The following CALN1 variants were observed in gnomAD, a reference collection of about 807,000 sequenced individuals.
The protein encoded by CALN1 is calneuron 1.
Under a neutral mutation model 30.6 loss-of-function variants are expected in CALN1, and 17 were observed. That is an observed-to-expected ratio of 0.56 (90% confidence interval 0.38 to 0.83). The LOEUF (loss-of-function observed/expected upper bound fraction) is 0.83, where lower values mean the gene tolerates loss of function less well. Ranked by LOEUF, CALN1 falls within the 40% of genes least tolerant of loss-of-function variation. The pLI is 0.00. For synonymous variants in CALN1, 156 were observed against 131.4 expected (o/e 1.19, Z -1.28); for missense variants, 291 against 354.9 (o/e 0.82, Z 1.45).
At chr7:72,324,049 T>A (rs973483468) in intron 2 of CALN1, among the ~76,000 whole-genome samples, 2 of 152,058 alleles carry the variant, frequency 1.3e-5, no homozygotes, top group African/African-American at 4.8e-5. Context: ...TTTGTTTTTT[T>A]AAATGCAGTT....
chr7:72,370,434 C>T (rs1228421458), intron 2 of CALN1, among the ~76,000 whole-genome samples: 1 of 151,828 alleles, frequency 6.6e-6, no homozygotes, highest in Non-Finnish European at 1.5e-5. Flanking sequence ...GCAGGCGGAT[C>T]ACGAGGTCAG....
intron 2 of CALN1, among the ~76,000 whole-genome samples, chr7:72,375,677 TTGC>T (rs1485641072): frequency 6.6e-6 from 1 of 152,170 alleles, no homozygotes; most frequent in African/African-American, 2.4e-5. Context: ...AGACAGTGTC[TTGC>T]TATATTGCCC....
At chr7:72,492,009 A>G in the CALN1 span, among the ~76,000 whole-genome samples, 1 of 152,174 alleles carries the variant, frequency 6.6e-6, no homozygotes, top group African/African-American at 2.4e-5. Flanking sequence ...CCAACTCTCA[A>G]AGGCAGTTTC....
intron 1 of CALN1, among the ~76,000 whole-genome samples, chr7:72,410,888 T>TA (rs1193608978): frequency 6.6e-6 from 1 of 152,152 alleles, no homozygotes; most frequent in Non-Finnish European, 1.5e-5. Context: ...CTGCTACTAT[T>TA]AACACTGTAT....
intron 5 of CALN1, 98 bp from the exon 6 acceptor site, chr7:71,810,590 C>T: frequency 4.1e-6 from 5 of 1,228,780 alleles, no homozygotes; most frequent in East Asian, 2.4e-5. Context: ...TCTGCAGAAA[C>T]TTGTCTCAGC....
At chr7:71,949,386 T>G (rs532699079) in intron 5 of CALN1, among the ~76,000 whole-genome samples, 3 of 152,212 alleles carry the variant, frequency 2.0e-5, no homozygotes, top group East Asian at 3.9e-4. Flanking sequence ...CGAGAGGGTT[T>G]TTTGTTTGTT....
rs58282615 is a variant in CALN1, at chr7:72,246,753, A to ATTTTTTTTTT, written c.244+31923_244+31932dup. On this transcript the variant is annotated intron_variant, in intron 3 of 6. Coordinates refer to ENST00000395275, the MANE Select transcript of CALN1 (RefSeq NM_031468.4). The stretch of plus-strand genomic sequence containing the variant: ...AATGATCCTCATTCCTACCAGAACA[A>ATTTTTTTTTT]TTTTTTTTTTTTTTTTTTGAGATGG... Among the ~76,000 whole-genome samples the ATTTTTTTTTT allele has an allele frequency of 9.3e-4, 108 of 116,558 alleles. 2 individuals carry two copies. The highest frequency in any genetic ancestry group is 1.3e-3 in the Non-Finnish European group (74 of 58,154). 76.5% of individuals were successfully genotyped at this position (116,558 alleles called of 152,430 possible).
intron 4 of CALN1, among the ~76,000 whole-genome samples, chr7:72,066,184 G>A (rs573954454): frequency 1.3e-4 from 20 of 152,168 alleles, no homozygotes; most frequent in South Asian, 2.1e-4. Context: ...TGTTGGATTC[G>A]GCCTAATTGT....
intron 2 of CALN1, among the ~76,000 whole-genome samples, chr7:72,363,616 G>A (rs781177706): frequency 6.6e-6 from 1 of 151,590 alleles, no homozygotes; most frequent in Non-Finnish European, 1.5e-5. Context: ...ATACTTAATA[G>A]ACACAAAATG....
At chr7:71,855,495 C>T (rs1790894486) in intron 5 of CALN1, among the ~76,000 whole-genome samples, 1 of 152,110 alleles carries the variant, frequency 6.6e-6, no homozygotes, top group Non-Finnish European at 1.5e-5. Context: ...TGTCACCATC[C>T]CCCATGCAAC....
At chr7:71,886,937 G>C (rs914477503) in intron 5 of CALN1, among the ~76,000 whole-genome samples, 5 of 152,134 alleles carry the variant, frequency 3.3e-5, no homozygotes, top group African/African-American at 1.2e-4. Context: ...AGCAAAATAG[G>C]ATTAGGTACA....
intron 5 of CALN1, among the ~76,000 whole-genome samples, chr7:71,820,872 G>C (rs1788547364): frequency 6.6e-6 from 1 of 152,174 alleles, no homozygotes. Flanking sequence ...ACTGAAGTAG[G>C]CTATGGAGAT....
chr7:72,044,183 GC>G (rs1228901763), intron 4 of CALN1, among the ~76,000 whole-genome samples: 1 of 152,238 alleles, frequency 6.6e-6, no homozygotes, highest in East Asian at 1.9e-4. Context: ...TGCTGCTATT[GC>G]CCCCTCTCTC....
chr7:72,439,649 C>CTCACTGCAACCTCCGCCTCCTGAGT (rs1318882383), intron 1 of CALN1, among the ~76,000 whole-genome samples: 2 of 150,018 alleles, frequency 1.3e-5, no homozygotes, highest in Non-Finnish European at 3.0e-5. Context: ...GCAATCTCGG[C>CTCACTGCAACCTCCGCCTCCTGAGT]TCACTGCAAC....
intron 3 of CALN1, among the ~76,000 whole-genome samples, chr7:72,205,561 T>TATAC (rs1791791811): frequency 1.3e-5 from 1 of 77,052 alleles, no homozygotes; most frequent in Non-Finnish European, 2.2e-5. Flanking sequence ...AATATATATA[T>TATAC]ATATATGTAT....
intron 5 of CALN1, among the ~76,000 whole-genome samples, chr7:71,867,446 T>C (rs1167316037): frequency 6.6e-6 from 1 of 151,548 alleles, no homozygotes; most frequent in Non-Finnish European, 1.5e-5. Context: ...TATTTATTTA[T>C]TTATTTTGAG....
intron 5 of CALN1, among the ~76,000 whole-genome samples, chr7:71,816,038 AT>A (rs1168184958): frequency 4.8e-5 from 7 of 146,902 alleles, no homozygotes; most frequent in Admixed American, 2.0e-4. Context: ...TTTTTTTTTA[AT>A]TTTTTTTTTC....
chr7:72,381,172 T>C (rs1478091580), intron 2 of CALN1, among the ~76,000 whole-genome samples: 1 of 152,256 alleles, frequency 6.6e-6, no homozygotes, highest in Non-Finnish European at 1.5e-5. Flanking sequence ...TATTAAATTA[T>C]GCAGAGCAAA....
upstream of CALN1, among the ~76,000 whole-genome samples, chr7:72,448,110 A>G (rs952921859): frequency 2.6e-5 from 4 of 151,096 alleles, no homozygotes; most frequent in South Asian, 8.3e-4. Context: ...AGGTACACAC[A>G]TGTCTGCCCG....
Sources: gnomAD v4.1 joint callset for allele counts (sites outside exome capture counted in the v4.1 genomes callset) on GRCh38, gnomAD v4.1.1 for gene constraint, MANE v1.5 for transcripts, NCBI Gene and HGNC (gene_info 2026-07-23, HGNC 2026-07-21) for gene names.